GFAP: variants seen among roughly 807,000 people sequenced by gnomAD.
GFAP encodes glial fibrillary acidic protein.
In GFAP, 38 loss-of-function variants were observed where a neutral mutation model predicts 49.3. The observed-to-expected ratio is 0.77, with a 90% CI of 0.60 to 1.01. The LOEUF (loss-of-function observed/expected upper bound fraction) is 1.01, where lower values mean the gene tolerates loss of function less well. Among genes scored for constraint, GFAP ranks in the 50% least tolerant of loss-of-function variants. The pLI, the probability that GFAP is intolerant of heterozygous loss-of-function variation, is 0.00. For synonymous variants in GFAP, 222 were observed against 236.4 expected, an observed-to-expected ratio of 0.94 and a Z score of 0.56; for missense variants, 463 against 579.1, an observed-to-expected ratio of 0.80 and a Z score of 2.06.
intron 8 of GFAP, 174 bp from the exon 9 acceptor site, chr17:44,907,562 C>G: frequency 2.9e-6 from 2 of 683,452 alleles, no homozygotes; most frequent in Non-Finnish European, 2.7e-6. Context: ...TGAGATAACA[C>G]TGGGAAAGCA....
chr17:44,907,948 GCTA>G, intron 8 of GFAP, 113 bp downstream of exon 8: 1 of 793,756 alleles, frequency 1.3e-6, no homozygotes, highest in Non-Finnish European at 2.3e-6. Context: ...TCCCTGGGGA[GCTA>G]CTGGGAGTTG....
At chr17:44,908,911 AAGGAAGG>A in intron 7 of GFAP, 1 of 146,284 alleles carries the variant, frequency 6.8e-6, no homozygotes, top group Non-Finnish European at 1.5e-5. Context: ...GGAAGGAAGG[AAGGAAGG>A]AAGGAAGAAA....
Position 44,914,065 on chromosome 17 carries a change from C to T in GFAP, c.485G>A (p.Arg162Lys). 6.4e-7 allele frequency: 1 copy of T among 1,557,080 alleles called. No homozygotes were observed. The highest frequency in any genetic ancestry group is 8.7e-7 in the Non-Finnish European group (1 of 1,149,680). Residue 162 changes from arginine to lysine, a missense_variant, in exon 2 of 9, where the codon AGG (arginine) becomes AAG (lysine). Physicochemically the swap from Arg to Lys is conservative, Grantham distance 26. Coordinates refer to ENST00000588735, the MANE Select transcript of GFAP (RefSeq NM_002055.5). The part of the protein sequence containing the change: ...RQKLQDETNL[R>K]LEAENNLAAY... ...AGCCAGGTTGTTCTCGGCTTCCAGC[C>T]TCAGGTTGGTTTCATCCTGGAGCCT... is the stretch of plus-strand genomic sequence containing the variant.
rs116004274 is a variant in GFAP at position 44,914,112 on chromosome 17, G to A, written c.462-24C>T. 1.4e-3 allele frequency: 2,119 copies of A among 1,535,258 alleles called. 31 individuals are homozygous for A. In the African/African-American group the frequency reaches 0.026, roughly 19 times the overall value. ...GCCTGGAGTGGGGGGACACATTCCTGGGTCCAGGCTCTTCTGAGGACACTT... is the reference window on the plus strand; with the variant it reads ...GCCTGGAGTGGGGGGACACATTCCTAGGTCCAGGCTCTTCTGAGGACACTT... On this transcript the variant is annotated intron_variant, in intron 1 of 8. Coordinates refer to ENST00000588735, the MANE Select transcript of GFAP (RefSeq NM_002055.5).
At position 44,911,395 on chromosome 17, in the gene GFAP, C is replaced by T. The variant is rs1159375285; in HGVS notation, c.968G>A (p.Ser323Asn). ...QEERHVREAASYQEALARLEE... is the reference protein window; with the variant it reads ...QEERHVREAANYQEALARLEE... ...CAGCCGCGCCAGCGCCTCCTGATAA[C>T]TGGCCGCCTCCCGCACGTGCCGCTC... Residue 323 changes from serine (S) to asparagine (N), a missense_variant, in exon 6 of 9, where the codon AGT becomes AAT. Physicochemically the swap from Ser to Asn is conservative, Grantham distance 46. Transcript: ENST00000588735. The T allele has an allele frequency of 1.7e-5, 27 of 1,613,724 alleles. No individual in the cohort carries two copies. The highest frequency in any genetic ancestry group is 2.1e-5 in the Non-Finnish European group (25 of 1,179,964).
chr17:44,915,156 T>C lies in GFAP; in HGVS notation c.331A>G (p.Lys111Glu). 1 of 1,614,134 alleles carries C rather than the reference T, an allele frequency of 6.2e-7. No individual in the cohort carries two copies. Among genetic ancestry groups the C allele is most frequent in the South Asian group, 1.1e-5 (1 of 91,086 alleles). ...TCAGCCTGGTAGACGTCTGCCAGCT[T>C]GGTGGGCTCCTTGGCCCGCAGCTGG... ...LNQLRAKEPT[K>E]LADVYQAELR... The change falls in exon 1 of 9, where the codon AAG becomes GAG. Residue 111 changes from lysine to glutamate, a missense_variant. Coordinates refer to ENST00000588735, the MANE Select transcript of GFAP (RefSeq NM_002055.5). This position sits in a 1 kb window ranked among gnomAD's most constrained non-coding sequence, Gnocchi z 4.1.
At position 44,913,059 on chromosome 17, in the gene GFAP, A is replaced by C. The variant is rs1389429865; in HGVS notation, c.780+210T>G. On this transcript the variant is annotated intron_variant, in intron 4 of 8. Coordinates refer to ENST00000588735, the MANE Select transcript of GFAP (RefSeq NM_002055.5). ...AACAGAACAGTATCAGCTACTACTA[A>C]TAATAGCAATAGTAGCAGTAATAAT... is the stretch of plus-strand genomic sequence containing the variant. 6.4e-6 allele frequency: 4 copies of C among 622,932 alleles called. No homozygotes were observed. The Admixed American group carries it at 7.4e-5, about 12-fold the overall frequency. The allele number at this position is 622,932 out of a possible 1,614,324, so 38.6% of individuals were successfully genotyped here.
intron 7 of GFAP, chr17:44,909,837 C>T (rs566345982): frequency 2.4e-6 from 3 of 1,231,666 alleles, no homozygotes; most frequent in Middle Eastern, 3.3e-4. Flanking sequence ...ACCCAAGGGG[C>T]CCTCCCAGTG....
intron 1 of GFAP, chr17:44,914,450 C>T (rs1222931498): frequency 3.5e-6 from 1 of 286,066 alleles, no homozygotes; most frequent in African/African-American, 2.2e-5. Flanking sequence ...GCGCCATGCC[C>T]CTGGGGATTC....
Position 44,904,707 on chromosome 17 carries a change from G to A in GFAP, c.*2640C>T, listed in dbSNP as rs1205118251. ...CTCATCATCTCCTGTCCTGGGGCCC[G>A]GCCAGAGCATGCAGTGGCCTGGGAC... is the stretch of plus-strand genomic sequence containing the variant. On this transcript the variant is annotated 3_prime_UTR_variant, in exon 9 of 9. Transcript: ENST00000588735. 7 of 1,550,434 alleles carry A rather than the reference G, an allele frequency of 4.5e-6. No individual in the cohort carries two copies. Among genetic ancestry groups the A allele is most frequent in the East Asian group, 2.4e-5 (1 of 40,934 alleles).
Position 44,903,543 on chromosome 17 carries a change from G to A in GFAP, c.*3804C>T. ...TTCCGGTTTCCTTTGACCCATTCTT[G>A]GGTGAGCGCCAGTGTTCTAGAAAGG... On this transcript the variant is annotated 3_prime_UTR_variant, in exon 9 of 9. Transcript: ENST00000588735. The A allele has an allele frequency of 7.4e-7, 1 of 1,349,678 alleles. No individual in the cohort carries two copies. Among genetic ancestry groups the A allele is most frequent in the Non-Finnish European group, 9.5e-7 (1 of 1,057,216 alleles). The allele number at this position is 1,349,678 out of a possible 1,614,324, so 83.6% of individuals were successfully genotyped here. A position where few individuals can be genotyped will look rare whatever the true frequency, so the allele number is the denominator to read the frequency against.
chr17:44,907,793 A>T lies in GFAP; in HGVS notation c.1257+271T>A, dbSNP rs1217924574. ...ATTCTCTTTCTCTCCCTGGCAAGCA[A>T]GGCCCCCGAGTTTGAGGGTGAGAAA... On this transcript the variant is annotated intron_variant, in intron 8 of 8. Coordinates refer to ENST00000588735, the MANE Select transcript of GFAP (RefSeq NM_002055.5). The T allele has an allele frequency of 8.6e-6, 5 of 580,430 alleles. No homozygotes were observed. The East Asian group carries it at 1.5e-4, about 17-fold the overall frequency. 36.0% of individuals were successfully genotyped at this position (580,430 alleles called of 1,614,324 possible). A position where few individuals can be genotyped will look rare whatever the true frequency, so the allele number is the denominator to read the frequency against.
chr17:44,908,186 T>C (rs774478356), intron 7 of GFAP, 37 bp from the exon 8 acceptor site: 3 of 1,421,904 alleles, frequency 2.1e-6, no homozygotes, highest in Non-Finnish European at 3.0e-6. Flanking sequence ...TCATGGACTT[T>C]CAGGGCATGA....
Position 44,913,352 on chromosome 17 carries a change from C to T in GFAP, c.697G>A (p.Ala233Thr), listed in dbSNP as rs1220287768. Residue 233 changes from alanine to threonine, a missense_variant, in exon 4 of 9, where the codon GCA becomes ACA. This residue lies in a region of GFAP where 362 missense variants were observed against 445.5 expected (regional missense o/e 0.81). Coordinates refer to ENST00000588735, the MANE Select transcript of GFAP (RefSeq NM_002055.5). ...TGCGTGCGGATCTCTTTCAGGGCTG[C>T]GGTGAGGTCTGGCTTGGCCACGTCA... Reference protein sequence around the residue: ...ELDVAKPDLTAALKEIRTQYE... With the variant: ...ELDVAKPDLTTALKEIRTQYE... 9.9e-6 allele frequency: 16 copies of T among 1,614,020 alleles called. No homozygotes were observed. Among genetic ancestry groups the T allele is most frequent in the South Asian group, 2.2e-5 (2 of 91,084 alleles).
Position 44,911,800 on chromosome 17 carries a change from A to G in GFAP, c.781-3T>C. The G allele has an allele frequency of 6.2e-7, 1 of 1,612,548 alleles. No individual in the cohort carries two copies. Among genetic ancestry groups the G allele is most frequent in the Non-Finnish European group, 8.5e-7 (1 of 1,179,528 alleles). On this transcript the variant is annotated splice_region_variant and splice_polypyrimidine_tract_variant and intron_variant, in intron 4 of 8. Transcript: ENST00000588735. ...GCAGCGTCTGTCAGGTCTGCAAACTAGGTGGGGGACACATATGGGGGGCTG... is the reference window on the plus strand; with the variant it reads ...GCAGCGTCTGTCAGGTCTGCAAACTGGGTGGGGGACACATATGGGGGGCTG...
rs2145622471 is a variant in GFAP at position 44,905,522 on chromosome 17, G to C, written c.*1825C>G. On this transcript the variant is annotated 3_prime_UTR_variant, in exon 9 of 9. Coordinates refer to ENST00000588735, the MANE Select transcript of GFAP (RefSeq NM_002055.5). ...TGGCTGCGGGTGGAATTTGGTGAGG[G>C]CATGGGCCCCAGAGATGATCAGTAA... is the stretch of plus-strand genomic sequence containing the variant. 1 of 178,220 alleles carries C rather than the reference G, an allele frequency of 5.6e-6. No individual in the cohort carries two copies. Among genetic ancestry groups the C allele is most frequent in the Admixed American group, 5.6e-5 (1 of 17,982 alleles). The allele number at this position is 178,220 out of a possible 1,614,324, so 11.0% of individuals were successfully genotyped here.
rs747049163 is a variant in GFAP, at chr17:44,913,770, C to T, written c.576G>A (p.Ser192=). The T allele has an allele frequency of 5.6e-6, 9 of 1,614,150 alleles. No homozygotes were observed. Among genetic ancestry groups the T allele is most frequent in the African/African-American group, 1.3e-5 (1 of 75,036 alleles). ...ARLDLERKIE[S]LEEEIRFLRK... ...TCAAGAACCGGATCTCCTCCTCCAGCGACTCAATCTTCCTCTCCAGATCCA... is the reference window on the plus strand; with the variant it reads ...TCAAGAACCGGATCTCCTCCTCCAGTGACTCAATCTTCCTCTCCAGATCCA... The change falls in exon 3 of 9, where the codon TCG becomes TCA. Residue 192 remains serine (S), a synonymous_variant. Transcript: ENST00000588735.
chr17:44,913,994 TCCCTCCCCTGC>T, intron 2 of GFAP, 23 bp downstream of exon 2: 1 of 1,464,300 alleles, frequency 6.8e-7, no homozygotes, highest in Non-Finnish European at 9.4e-7. Context: ...AATCCTTTCC[TCCCTCCCCTGC>T]CCCTCCCCTC....
At position 44,904,621 on chromosome 17, in the gene GFAP, C is replaced by T. The variant is rs771678418; in HGVS notation, c.*2726G>A. 3.2e-6 allele frequency: 5 copies of T among 1,550,572 alleles called. No homozygotes were observed. The highest frequency in any genetic ancestry group is 1.2e-5 in the South Asian group (1 of 84,062). On this transcript the variant is annotated 3_prime_UTR_variant, in exon 9 of 9. Transcript: ENST00000588735. The stretch of plus-strand genomic sequence containing the variant: ...TCATTAACTATGTGTCCAAAGTGGG[C>T]AGCCGGCCCTGGGTGCCCCAGGTGC...
Sources: allele counts gnomAD v4.1 joint callset, GRCh38; gene constraint gnomAD v4.1.1; regional missense constraint gnomAD v4.1.1; non-coding constraint Gnocchi (gnomAD v3.1); transcripts MANE v1.5; gene names NCBI Gene and HGNC (gene_info 2026-07-23, HGNC 2026-07-21).